Variants in CSNK2A2IP observed in about 807,000 individuals in gnomAD.
CSNK2A2IP encodes casein kinase II subunit alpha'-interacting protein.
chr3:88,444,381 T>C, the CSNK2A2IP span, among the ~76,000 whole-genome samples: 1 of 152,158 alleles, frequency 6.6e-6, no homozygotes, highest in East Asian at 1.9e-4. Context: ...TATTTTCTAA[T>C]AAGGGAAAGG....
the CSNK2A2IP span, among the ~76,000 whole-genome samples, chr3:88,391,619 G>A: frequency 3.8e-4 from 58 of 152,116 alleles, no homozygotes; most frequent in African/African-American, 1.3e-3. Flanking sequence ...GATGAAGAGT[G>A]AAAAAAGAAA....
the CSNK2A2IP span, among the ~76,000 whole-genome samples, chr3:88,408,205 C>G: frequency 6.6e-6 from 1 of 152,064 alleles, no homozygotes; most frequent in Non-Finnish European, 1.5e-5. Flanking sequence ...GTCATGTCTA[C>G]TTAGGCAGTT....
the CSNK2A2IP span, among the ~76,000 whole-genome samples, chr3:88,387,657 G>T: frequency 1.3e-4 from 20 of 152,184 alleles, no homozygotes; most frequent in Middle Eastern, 3.4e-3. Context: ...ACCTGGAACT[G>T]CCTTTAAAAA....
the CSNK2A2IP span, among the ~76,000 whole-genome samples, chr3:88,458,141 G>GTTT: frequency 4.4e-4 from 37 of 83,302 alleles, 4 homozygotes; most frequent in African/African-American, 8.2e-4. Flanking sequence ...TGTAATTGTG[G>GTTT]TTTTTTTTTT....
At chr3:88,387,464 C>T in the CSNK2A2IP span, among the ~76,000 whole-genome samples, 7 of 152,178 alleles carry the variant, frequency 4.6e-5, no homozygotes, top group South Asian at 2.1e-4. Flanking sequence ...CTACTGTGCC[C>T]GGCCAAACAC....
At chr3:88,460,255 C>G in the CSNK2A2IP span, among the ~76,000 whole-genome samples, 1 of 151,860 alleles carries the variant, frequency 6.6e-6, no homozygotes, top group South Asian at 2.1e-4. Flanking sequence ...TTACATGCTT[C>G]TAGCAAAATA....
At chr3:88,377,571 A>G in the CSNK2A2IP span, among the ~76,000 whole-genome samples, 34 of 151,726 alleles carry the variant, frequency 2.2e-4, no homozygotes, top group African/African-American at 8.0e-4. Context: ...CTTAAAACAC[A>G]CTATTGATCA....
the CSNK2A2IP span, among the ~76,000 whole-genome samples, chr3:88,377,530 C>T: frequency 0.38 from 58,000 of 151,108 alleles, 14,121 homozygotes; most frequent in South Asian, 0.6. Flanking sequence ...CTCCTTTCAA[C>T]CATGTTGCAT....
the CSNK2A2IP span, among the ~76,000 whole-genome samples, chr3:88,425,058 A>T: frequency 6.6e-6 from 1 of 152,084 alleles, no homozygotes; most frequent in Non-Finnish European, 1.5e-5. Context: ...TCATTAACAT[A>T]TCATTTTAGA....
the CSNK2A2IP span, among the ~76,000 whole-genome samples, chr3:88,349,169 G>A: frequency 6.6e-6 from 1 of 151,812 alleles, no homozygotes; most frequent in East Asian, 1.9e-4. Flanking sequence ...GGGGGTGCAG[G>A]TGGTTTTTGG....
the CSNK2A2IP span, among the ~76,000 whole-genome samples, chr3:88,423,997 C>A: frequency 6.6e-6 from 1 of 152,152 alleles, no homozygotes; most frequent in Non-Finnish European, 1.5e-5. Context: ...AAACCTGGCT[C>A]CTGTCACCAT....
At chr3:88,377,264 A>G in the CSNK2A2IP span, among the ~76,000 whole-genome samples, 1 of 151,064 alleles carries the variant, frequency 6.6e-6, no homozygotes, top group Non-Finnish European at 1.5e-5. Flanking sequence ...TTCTTCCCAA[A>G]CTTCTCCTTC....
chr3:88,359,459 G>C, the CSNK2A2IP span, among the ~76,000 whole-genome samples: 3 of 150,808 alleles, frequency 2.0e-5, no homozygotes, highest in Non-Finnish European at 4.4e-5. Flanking sequence ...ACATCATTTG[G>C]TTGTTTTTTT....
the CSNK2A2IP span, among the ~76,000 whole-genome samples, chr3:88,407,814 C>T: frequency 6.6e-6 from 1 of 152,044 alleles, no homozygotes; most frequent in Non-Finnish European, 1.5e-5. Flanking sequence ...ACCTCCGCCT[C>T]CCAGGTTCAA....
chr3:88,344,690 A>T, the CSNK2A2IP span, among the ~76,000 whole-genome samples: 2 of 152,100 alleles, frequency 1.3e-5, no homozygotes, highest in South Asian at 4.1e-4. Context: ...TCTGTTTAGA[A>T]CTACAGGAAA....
At chr3:88,429,934 T>G in the CSNK2A2IP span, among the ~76,000 whole-genome samples, 18 of 136,626 alleles carry the variant, frequency 1.3e-4, no homozygotes, top group Non-Finnish European at 2.6e-4. Flanking sequence ...TTTTTTTTTT[T>G]GTATTTTTAG....
the CSNK2A2IP span, among the ~76,000 whole-genome samples, chr3:88,408,453 G>T: frequency 3.3e-5 from 5 of 152,012 alleles, 1 homozygote; most frequent in African/African-American, 1.2e-4. Flanking sequence ...AACCAAAAAG[G>T]AGAGTAGAGA....
At chr3:88,364,906 G>A in the CSNK2A2IP span, among the ~76,000 whole-genome samples, 313 of 152,240 alleles carry the variant, frequency 2.1e-3, 1 homozygote, top group Non-Finnish European at 3.6e-3. Flanking sequence ...CACCTACAAT[G>A]TGCCACACCT....
chr3:88,451,929 A>T, the CSNK2A2IP span, among the ~76,000 whole-genome samples: 6 of 151,952 alleles, frequency 3.9e-5, no homozygotes, highest in Non-Finnish European at 7.4e-5. Context: ...CTTTACAATA[A>T]TTTTTTGAAT....
Sources: allele counts gnomAD v4.1 joint callset (sites outside exome capture counted in the v4.1 genomes callset), GRCh38; gene constraint gnomAD v4.1.1; transcripts MANE v1.5; gene names NCBI Gene and HGNC (gene_info 2026-07-23, HGNC 2026-07-21).